CNTLN: variants seen among roughly 807,000 people sequenced by gnomAD.
CNTLN encodes centlein, also known as centlein, centrosomal protein.
In CNTLN, 212 loss-of-function variants were observed where a neutral mutation model predicts 180.0. That is an observed-to-expected ratio of 1.18 (90% confidence interval 1.05 to 1.32). The LOEUF is 1.32. Ranked by LOEUF, CNTLN falls within the 40% of genes most tolerant of loss-of-function variation. CNTLN has a pLI of 0.00. For missense variants in CNTLN, 2,095 were observed against 1,610.9 expected (o/e 1.30, Z -5.14); for synonymous variants, 722 against 563.1 (o/e 1.28, Z -3.99).
At chr9:17,275,315 A>G (rs1828242555) in intron 6 of CNTLN, among the ~76,000 whole-genome samples, 1 of 151,988 alleles carries the variant, frequency 6.6e-6, no homozygotes, top group African/African-American at 2.4e-5. Context: ...CCACCCATTT[A>G]TTGTAGTTTT....
At chr9:17,306,406 C>G (rs1437147624) in intron 7 of CNTLN, among the ~76,000 whole-genome samples, 1 of 152,192 alleles carries the variant, frequency 6.6e-6, no homozygotes, top group East Asian at 1.9e-4. Context: ...GCCTCGGTCT[C>G]CCAAAGTGCT....
At chr9:17,184,037 A>C (rs577109739) in intron 2 of CNTLN, among the ~76,000 whole-genome samples, 26 of 152,228 alleles carry the variant, frequency 1.7e-4, no homozygotes, top group African/African-American at 6.0e-4. Flanking sequence ...TGAGGTCATG[A>C]GATAACCTGA....
intron 8 of CNTLN, among the ~76,000 whole-genome samples, chr9:17,327,525 C>A (rs1161283350): frequency 1.4e-5 from 2 of 147,670 alleles, no homozygotes; most frequent in East Asian, 4.2e-4. Context: ...AGAGATATAT[C>A]ACAAACTTAC....
intron 7 of CNTLN, chr9:17,301,819 C>T: frequency 4.1e-6 from 4 of 981,216 alleles, no homozygotes; most frequent in Non-Finnish European, 4.8e-6. Context: ...ATAATTCCAT[C>T]TCCCAGAGGC....
intron 12 of CNTLN, among the ~76,000 whole-genome samples, chr9:17,362,982 T>C (rs1384066663): frequency 2.0e-5 from 3 of 152,096 alleles, no homozygotes; most frequent in African/African-American, 4.8e-5. Context: ...AGTGAGAAAA[T>C]GCGGTATTTG....
At chr9:17,228,092 C>A (rs541413828) in intron 3 of CNTLN, among the ~76,000 whole-genome samples, 10 of 152,086 alleles carry the variant, frequency 6.6e-5, no homozygotes, top group African/African-American at 2.4e-4. Context: ...TCCTCAATTA[C>A]ACCTCTATTC....
intron 2 of CNTLN, among the ~76,000 whole-genome samples, chr9:17,163,480 T>C (rs1289326124): frequency 1.3e-5 from 2 of 152,224 alleles, no homozygotes; most frequent in African/African-American, 2.4e-5. Context: ...TATTCAGTAA[T>C]CTCTTGAATA....
intron 18 of CNTLN, among the ~76,000 whole-genome samples, chr9:17,453,211 G>C (rs2134128318): frequency 6.6e-6 from 1 of 152,196 alleles, no homozygotes; most frequent in Non-Finnish European, 1.5e-5. Flanking sequence ...TGCTCAGGAG[G>C]CTGAGGCAGG....
chr9:17,260,262 C>G (rs1001879153), intron 5 of CNTLN, among the ~76,000 whole-genome samples: 24 of 150,046 alleles, frequency 1.6e-4, no homozygotes, highest in Non-Finnish European at 4.4e-5. Flanking sequence ...GCAGGTTGTT[C>G]AGTTTCCATG....
chr9:17,501,019 C>A (rs12345698), intron 25 of CNTLN, among the ~76,000 whole-genome samples: 217 of 152,240 alleles, frequency 1.4e-3, no homozygotes, highest in Non-Finnish European at 2.1e-3. Flanking sequence ...TTTTGCTTAT[C>A]TCTAAGATAT....
intron 5 of CNTLN, among the ~76,000 whole-genome samples, chr9:17,250,596 T>C (rs1007918672): frequency 6.6e-6 from 1 of 152,110 alleles, no homozygotes; most frequent in Non-Finnish European, 1.5e-5. Flanking sequence ...AAAGTGTTTT[T>C]GATAGTATAC....
At chr9:17,180,196 A>G (rs986993690) in intron 2 of CNTLN, among the ~76,000 whole-genome samples, 1 of 138,068 alleles carries the variant, frequency 7.2e-6, no homozygotes, top group African/African-American at 2.7e-5. Flanking sequence ...TACGTGTGTC[A>G]TTTTGCTTTT....
chr9:17,297,128 A>G (rs1355699995), intron 6 of CNTLN, among the ~76,000 whole-genome samples: 1 of 152,228 alleles, frequency 6.6e-6, no homozygotes, highest in Non-Finnish European at 1.5e-5. Context: ...GAGTGGTTGC[A>G]TCTGTACTGA....
intron 2 of CNTLN, among the ~76,000 whole-genome samples, chr9:17,160,306 G>A (rs1442214181): frequency 2.6e-5 from 4 of 151,816 alleles, no homozygotes; most frequent in South Asian, 2.1e-4. Flanking sequence ...ATCCATTGTC[G>A]TGCCATGTCT....
At chr9:17,501,100 T>G (rs1228255943) in intron 25 of CNTLN, among the ~76,000 whole-genome samples, 1 of 152,154 alleles carries the variant, frequency 6.6e-6, no homozygotes, top group Non-Finnish European at 1.5e-5. Context: ...ATGTGGTAGG[T>G]TTTTCCCCCT....
chr9:17,412,291 A>G (rs1827908566), intron 16 of CNTLN, among the ~76,000 whole-genome samples: 1 of 152,186 alleles, frequency 6.6e-6, no homozygotes, highest in Non-Finnish European at 1.5e-5. Flanking sequence ...TAAGATACAG[A>G]ACCTTGAAGT....
At chr9:17,192,385 C>T (rs781572424) in intron 2 of CNTLN, among the ~76,000 whole-genome samples, 21 of 151,790 alleles carry the variant, frequency 1.4e-4, no homozygotes, top group Non-Finnish European at 2.8e-4. Flanking sequence ...ATTACAGGCG[C>T]CTGCCACCGT....
At chr9:17,415,905 AAT>A in intron 17 of CNTLN, 24 bp downstream of exon 17, 1 of 1,589,270 alleles carries the variant, frequency 6.3e-7, no homozygotes, top group East Asian at 2.2e-5. Flanking sequence ...TGCAATTAAC[AAT>A]ATGTCTTTTA....
chr9:17,471,864 G>C (rs754441699), intron 23 of CNTLN, among the ~76,000 whole-genome samples: 1 of 151,974 alleles, frequency 6.6e-6, no homozygotes, highest in Non-Finnish European at 1.5e-5. Context: ...AGGCTGATTT[G>C]TTTATTTTAA....
Sources: gnomAD v4.1 joint callset for allele counts (sites outside exome capture counted in the v4.1 genomes callset) on GRCh38, gnomAD v4.1.1 for gene constraint, MANE v1.5 for transcripts, NCBI Gene and HGNC (gene_info 2026-07-23, HGNC 2026-07-21) for gene names.